The following ASTN2 variants were observed in gnomAD, a reference collection of about 807,000 sequenced individuals.
ASTN2 encodes the protein astrotactin 2, also known as astrotactin-2.
A neutral mutation model predicts 139.8 loss-of-function variants in ASTN2; 54 were observed. The observed-to-expected ratio is 0.39, with a 90% CI of 0.31 to 0.48. ASTN2 has a LOEUF of 0.48. Among genes scored for constraint, ASTN2 ranks in the 20% least tolerant of loss-of-function variants. ASTN2 has a pLI of 0.95. For synonymous variants in ASTN2, 756 were observed against 719.5 expected, an observed-to-expected ratio of 1.05 and a Z score of -0.81; for missense variants, 1,565 against 1,725.1, an observed-to-expected ratio of 0.91 and a Z score of 1.64.
chr9:116,989,924 T>A (rs1025271021), intron 7 of ASTN2, among the ~76,000 whole-genome samples: 4 of 152,216 alleles, frequency 2.6e-5, no homozygotes, highest in African/African-American at 9.6e-5. Flanking sequence ...TTCTCAACGT[T>A]GTTTTTGTCA....
At chr9:116,969,161 T>C (rs1315481149) in intron 10 of ASTN2, among the ~76,000 whole-genome samples, 1 of 152,246 alleles carries the variant, frequency 6.6e-6, no homozygotes, top group East Asian at 1.9e-4. Flanking sequence ...GAGAGATTGA[T>C]GTGGGATATT....
At chr9:116,467,978 T>C (rs1235800501) in intron 20 of ASTN2, among the ~76,000 whole-genome samples, 1 of 152,190 alleles carries the variant, frequency 6.6e-6, no homozygotes, top group Non-Finnish European at 1.5e-5. Context: ...CTAGGTCTCT[T>C]TCTACCTGGT....
intron 1 of ASTN2, among the ~76,000 whole-genome samples, chr9:117,356,998 A>T (rs1829557623): frequency 6.6e-6 from 1 of 152,096 alleles, no homozygotes; most frequent in East Asian, 1.9e-4. Context: ...CGGGAAGCGG[A>T]GGTTGCAGTG....
At chr9:117,082,458 C>A (rs938591277) in intron 5 of ASTN2, among the ~76,000 whole-genome samples, 1 of 152,178 alleles carries the variant, frequency 6.6e-6, no homozygotes. Flanking sequence ...GTCTCCCTAC[C>A]TTCAGTCTCA....
rs56265727 is a variant in ASTN2 at position 116,747,693 on chromosome 9, G to GCACA, written c.2397-14174_2397-14171dup. Among the ~76,000 whole-genome samples, 274 of 149,154 alleles carry GCACA rather than the reference G, an allele frequency of 1.8e-3. 2 individuals carry two copies. Among genetic ancestry groups the GCACA allele is most frequent in the African/African-American group, 3.9e-3 (158 of 40,408 alleles). On this transcript the variant is annotated intron_variant, in intron 13 of 22. Transcript: ENST00000313400. Reference sequence around the variant, plus strand: ...CTCATTTATACACAGGTGTGCATGAGCACACACACACACACACACACACAC... The same window carrying GCACA: ...CTCATTTATACACAGGTGTGCATGAGCACACACACACACACACACACACACACAC...
rs572336960 is a variant in ASTN2, at chr9:116,863,128, G to GCCAAA, written c.2040+450_2040+454dup. On this transcript the variant is annotated intron_variant, in intron 11 of 22. Coordinates refer to ENST00000313400, the MANE Select transcript of ASTN2 (RefSeq NM_001365068.1). ...CTCATCTTTTGAAGCCAAAGCCAAA[G>GCCAAA]CCAAAAGCCAACGTCCCAAGGAAGC... 1.8e-3 allele frequency among the ~76,000 whole-genome samples: 280 copies of GCCAAA among 152,156 alleles called. 1 individual carries two copies. In the Middle Eastern group the frequency reaches 0.02, roughly 11 times the overall value.
chr9:117,236,903 A>G (rs955324290), intron 2 of ASTN2, among the ~76,000 whole-genome samples: 50 of 152,342 alleles, frequency 3.3e-4, no homozygotes, highest in African/African-American at 1.2e-3. Context: ...TATGATCCGT[A>G]AAGCAACAGT....
chr9:117,220,661 G>A (rs1215215055), intron 2 of ASTN2, among the ~76,000 whole-genome samples: 4 of 152,170 alleles, frequency 2.6e-5, no homozygotes, highest in Non-Finnish European at 4.4e-5. Context: ...GAAACTGGTA[G>A]AAAGGCATGG....
intron 11 of ASTN2, among the ~76,000 whole-genome samples, chr9:116,825,689 G>A (rs925437438): frequency 1.3e-5 from 2 of 152,202 alleles, no homozygotes; most frequent in East Asian, 3.9e-4. Context: ...AACAGTAAGA[G>A]AGAAACCCCC....
chr9:117,138,655 T>C (rs1240941817), intron 4 of ASTN2, among the ~76,000 whole-genome samples: 1 of 152,190 alleles, frequency 6.6e-6, no homozygotes, highest in Non-Finnish European at 1.5e-5. Context: ...AAGGAGAGTA[T>C]AGTTGTAAGG....
chr9:116,768,979 A>G (rs1024839705), intron 13 of ASTN2, among the ~76,000 whole-genome samples: 3 of 152,190 alleles, frequency 2.0e-5, no homozygotes, highest in South Asian at 2.1e-4. Context: ...TTGCCCATCA[A>G]ATGAAATTAT....
At chr9:117,412,015 C>G (rs1243245761) in intron 1 of ASTN2, among the ~76,000 whole-genome samples, 1 of 150,256 alleles carries the variant, frequency 6.7e-6, no homozygotes, top group Non-Finnish European at 1.5e-5. Context: ...CCTCCCCCCC[C>G]CAACCCCCAG....
chr9:117,102,051 C>T (rs1382422489), intron 4 of ASTN2, among the ~76,000 whole-genome samples: 1 of 152,180 alleles, frequency 6.6e-6, no homozygotes, highest in Non-Finnish European at 1.5e-5. Context: ...AGCCCCAAAA[C>T]TGAAGATAGG....
intron 3 of ASTN2, among the ~76,000 whole-genome samples, chr9:117,203,442 T>G (rs984336086): frequency 6.6e-6 from 1 of 152,122 alleles, no homozygotes; most frequent in African/African-American, 2.4e-5. Flanking sequence ...TTTTAGCATT[T>G]TTTCATTGAT....
intron 10 of ASTN2, among the ~76,000 whole-genome samples, chr9:116,973,626 T>C (rs980779933): frequency 2.0e-5 from 3 of 152,340 alleles, no homozygotes; most frequent in Middle Eastern, 3.4e-3. Context: ...TTTTTGAGAA[T>C]AGTCTTTTAA....
intron 2 of ASTN2, among the ~76,000 whole-genome samples, chr9:117,270,292 T>C (rs1834033913): frequency 6.6e-6 from 1 of 152,250 alleles, no homozygotes; most frequent in African/African-American, 2.4e-5. Flanking sequence ...CTATAACTTA[T>C]TCATCTTGCT....
chr9:116,972,964 T>C (rs1264128024), intron 10 of ASTN2, among the ~76,000 whole-genome samples: 4 of 152,226 alleles, frequency 2.6e-5, no homozygotes, highest in Admixed American at 2.6e-4. Flanking sequence ...ATTTCCAACA[T>C]ACCATCTGAC....
intron 13 of ASTN2, among the ~76,000 whole-genome samples, chr9:116,803,511 TATATATATA>T (rs1830941117): frequency 3.7e-4 from 3 of 8,044 alleles, no homozygotes; most frequent in Non-Finnish European, 6.2e-4. Context: ...TATATATATA[TATATATATA>T]TATTTTTTTT....
At chr9:116,953,328 T>G (rs185951908) in intron 10 of ASTN2, among the ~76,000 whole-genome samples, 14 of 152,370 alleles carry the variant, frequency 9.2e-5, no homozygotes, top group Admixed American at 6.5e-4. Flanking sequence ...GTTTGACTTC[T>G]AAACCCTTGC....
Sources: allele counts gnomAD v4.1 joint callset (sites outside exome capture counted in the v4.1 genomes callset), GRCh38; gene constraint gnomAD v4.1.1; transcripts MANE v1.5; gene names NCBI Gene and HGNC (gene_info 2026-07-23, HGNC 2026-07-21).